SULF2: variants seen among roughly 807,000 people sequenced by gnomAD.
SULF2 encodes the protein extracellular sulfatase Sulf-2.
Under a neutral mutation model 107.7 loss-of-function variants are expected in SULF2, and 52 were observed. That is an observed-to-expected ratio of 0.48 (90% CI 0.39 to 0.61). The LOEUF (loss-of-function observed/expected upper bound fraction) is 0.61, where lower values mean the gene tolerates loss of function less well. Among genes scored for constraint, SULF2 ranks in the 20% least tolerant of loss-of-function variants. SULF2 has a pLI of 0.00. For missense variants in SULF2, 993 were observed against 1,177.3 expected (o/e 0.84, Z 2.29); for synonymous variants, 460 against 464.3 (o/e 0.99, Z 0.12).
At chr20:47,696,402 A>C (rs1280709443) in intron 4 of SULF2, among the ~76,000 whole-genome samples, 3 of 151,462 alleles carry the variant, frequency 2.0e-5, no homozygotes, top group African/African-American at 7.3e-5. Context: ...ACTCCTTACC[A>C]CCCCCCCACC....
At chr20:47,740,603 T>A (rs538971236) in intron 2 of SULF2, among the ~76,000 whole-genome samples, 1 of 152,146 alleles carries the variant, frequency 6.6e-6, no homozygotes, top group African/African-American at 2.4e-5. Context: ...TTAGGGCAAG[T>A]AACCTTAGCT....
chr20:47,768,424 T>C (rs1285127438), intron 1 of SULF2, among the ~76,000 whole-genome samples: 1 of 152,272 alleles, frequency 6.6e-6, no homozygotes, highest in African/African-American at 2.4e-5. Flanking sequence ...TTCCCTTTTT[T>C]CAATTAGGTC....
chr20:47,744,858 C>T (rs1014709881), intron 2 of SULF2, among the ~76,000 whole-genome samples: 3 of 152,142 alleles, frequency 2.0e-5, no homozygotes, highest in Non-Finnish European at 4.4e-5. Context: ...CTCTCCAGGC[C>T]GCGTCCTTCT....
At chr20:47,753,788 A>G (rs1208767050) in intron 2 of SULF2, among the ~76,000 whole-genome samples, 2 of 152,226 alleles carry the variant, frequency 1.3e-5, no homozygotes, top group Non-Finnish European at 2.9e-5. Context: ...GAGGCTCCCC[A>G]GAGGTTTAGA....
intron 2 of SULF2, among the ~76,000 whole-genome samples, chr20:47,745,396 AAAAAAAAAAAAAAAATAT>A (rs1402360860): frequency 4.8e-4 from 13 of 27,278 alleles, no homozygotes; most frequent in African/African-American, 9.4e-4. Flanking sequence ...AAAAAAAAAA[AAAAAAAAAAAAAAAATAT>A]ATATATATAT....
rs1391945122 is a variant in SULF2, at chr20:47,680,469, C to T, written c.1065-1665G>A. Among the ~76,000 whole-genome samples the T allele has an allele frequency of 2.6e-5, 4 of 152,230 alleles. No individual in the cohort carries two copies. Among genetic ancestry groups the T allele is most frequent in the African/African-American group, 4.8e-5 (2 of 41,472 alleles). On this transcript the variant is annotated intron_variant, in intron 7 of 20. Coordinates refer to ENST00000688720, the MANE Select transcript of SULF2 (RefSeq NM_001387048.1). The surrounding 1 kb of genome is among the most constrained non-coding windows in gnomAD (Gnocchi z 4.2). ...CTTAAGGGGTGTGCCCAGCACAGGACCCAGGACCTGTTGAATGGTGGACAG... is the reference window on the plus strand; with the variant it reads ...CTTAAGGGGTGTGCCCAGCACAGGATCCAGGACCTGTTGAATGGTGGACAG...
Position 47,658,023 on chromosome 20 carries a change from A to G in SULF2, c.*339T>C, listed in dbSNP as rs2086949027. ...TCCAATGACTTTCGCCCTTGGGAGA[A>G]ATTTCCAAGGAAATCTCTCTCGCTC... On this transcript the variant is annotated 3_prime_UTR_variant, in exon 21 of 21. Transcript: ENST00000688720. The G allele has an allele frequency of 6.0e-5, 19 of 315,738 alleles. No individual in the cohort carries two copies. The South Asian group carries it at 1.1e-3, about 19-fold the overall frequency. 19.6% of individuals were successfully genotyped at this position (315,738 alleles called of 1,614,324 possible). A position where few individuals can be genotyped will look rare whatever the true frequency, so the allele number is the denominator to read the frequency against.
intron 2 of SULF2, among the ~76,000 whole-genome samples, chr20:47,746,989 AAAAAAATATAT>A (rs1419409669): frequency 1.5e-4 from 9 of 61,530 alleles, no homozygotes; most frequent in Non-Finnish European, 2.5e-4. Flanking sequence ...AAATAAAAAA[AAAAAAATATAT>A]ATATATATAT....
intron 4 of SULF2, among the ~76,000 whole-genome samples, chr20:47,700,433 T>C (rs1249025661): frequency 6.6e-6 from 1 of 152,174 alleles, no homozygotes; most frequent in African/African-American, 2.4e-5. Flanking sequence ...TACTACATAC[T>C]GAGTATTTAC....
intron 3 of SULF2, among the ~76,000 whole-genome samples, chr20:47,731,930 G>A (rs1358069826): frequency 6.6e-6 from 1 of 152,240 alleles, no homozygotes; most frequent in East Asian, 1.9e-4. Context: ...ACCAGAGGCT[G>A]AGCACATGCT....
chr20:47,663,043 C>T (rs766374062), intron 17 of SULF2, 27 bp downstream of exon 17: 15 of 1,613,690 alleles, frequency 9.3e-6, no homozygotes, highest in African/African-American at 2.7e-5. Flanking sequence ...CCCACACCCC[C>T]ATCCCTCTAG....
Position 47,658,332 on chromosome 20 carries a change from A to C in SULF2, c.*30T>G. On this transcript the variant is annotated 3_prime_UTR_variant, in exon 21 of 21. Transcript: ENST00000688720. ...GCCTGTGCAGTCAGGTGATGCCTCT[A>C]TGTTTTTGGAGGTCCACCTCTGTTG... 1 of 1,613,300 alleles carries C rather than the reference A, an allele frequency of 6.2e-7. No homozygotes were observed. Among genetic ancestry groups the C allele is most frequent in the Non-Finnish European group, 8.5e-7 (1 of 1,179,252 alleles).
chr20:47,716,888 T>C (rs2089138485), intron 3 of SULF2, among the ~76,000 whole-genome samples: 1 of 152,130 alleles, frequency 6.6e-6, no homozygotes, highest in Non-Finnish European at 1.5e-5. Flanking sequence ...TGTGTGCCTG[T>C]ATTCCCAGCT....
chr20:47,672,880 G>A (rs746672041), intron 10 of SULF2, among the ~76,000 whole-genome samples: 1 of 152,130 alleles, frequency 6.6e-6, no homozygotes, highest in Non-Finnish European at 1.5e-5. Context: ...CAGGGACTTG[G>A]CGCTCACTGT....
At chr20:47,708,333 T>C (rs561972098) in intron 3 of SULF2, among the ~76,000 whole-genome samples, 2 of 151,858 alleles carry the variant, frequency 1.3e-5, no homozygotes, top group Non-Finnish European at 2.9e-5. Flanking sequence ...CTGAAGCCAG[T>C]ACAAACGTGG....
chr20:47,671,611 A>G (rs2087473122), intron 11 of SULF2, among the ~76,000 whole-genome samples: 1 of 152,014 alleles, frequency 6.6e-6, no homozygotes, highest in African/African-American at 2.4e-5. Flanking sequence ...ACACTGACTA[A>G]TTGAACGCTG....
intron 3 of SULF2, among the ~76,000 whole-genome samples, chr20:47,719,130 A>G (rs2089213030): frequency 1.3e-5 from 2 of 152,232 alleles, no homozygotes; most frequent in South Asian, 2.1e-4. Context: ...GACTTCTTAA[A>G]ATATCATTTG....
chr20:47,728,688 A>G (rs2089514498), intron 3 of SULF2, among the ~76,000 whole-genome samples: 1 of 152,172 alleles, frequency 6.6e-6, no homozygotes, highest in African/African-American at 2.4e-5. Context: ...CTGTCACCCA[A>G]GCGACAGAGT....
intron 4 of SULF2, among the ~76,000 whole-genome samples, chr20:47,692,135 C>T (rs1041190750): frequency 6.6e-6 from 1 of 152,134 alleles, no homozygotes. Flanking sequence ...TTGAAATATA[C>T]CCTCTGCTAG....
Sources: allele counts gnomAD v4.1 joint callset (sites outside exome capture counted in the v4.1 genomes callset), GRCh38; gene constraint gnomAD v4.1.1; non-coding constraint Gnocchi (gnomAD v3.1); transcripts MANE v1.5; gene names NCBI Gene and HGNC (gene_info 2026-07-23, HGNC 2026-07-21).